Variants in INVS observed in about 807,000 individuals in gnomAD.
The protein encoded by INVS is inversion of embryo turning homolog.
In INVS, 86 loss-of-function variants were observed where a neutral mutation model predicts 108.8. The observed-to-expected ratio is 0.79, with a 90% confidence interval of 0.66 to 0.95. The LOEUF is 0.95. Ranked by LOEUF, INVS falls within the 40% of genes least tolerant of loss-of-function variation. INVS has a pLI of 0.00. For synonymous variants in INVS, 455 were observed against 473.5 expected, an observed-to-expected ratio of 0.96 and a Z score of 0.51; for missense variants, 1,169 against 1,297.4, an observed-to-expected ratio of 0.90 and a Z score of 1.52.
rs565711503 is a variant in INVS at position 100,301,985 on chromosome 9, C to G, written c.*1311C>G. ...TGCACAATGCACAACCGCCTATGACCATGTATCGTGTGCTAGTCCGGGAAG... is the reference window on the plus strand; with the variant it reads ...TGCACAATGCACAACCGCCTATGACGATGTATCGTGTGCTAGTCCGGGAAG... On this transcript the variant is annotated 3_prime_UTR_variant, in exon 17 of 17. Coordinates refer to ENST00000262457, the MANE Select transcript of INVS (RefSeq NM_014425.5). 7.3e-5 allele frequency: 32 copies of G among 438,758 alleles called. No individual in the cohort carries two copies. The highest frequency in any genetic ancestry group is 6.0e-4 in the African/African-American group (31 of 51,618). 27.2% of individuals were successfully genotyped at this position (438,758 alleles called of 1,614,324 possible).
intron 1 of INVS, among the ~76,000 whole-genome samples, chr9:100,103,188 C>A (rs1827058593): frequency 6.6e-6 from 1 of 152,120 alleles, no homozygotes; most frequent in African/African-American, 2.4e-5. Flanking sequence ...GAGTCAGGGT[C>A]TCAACCTGTT....
intron 3 of INVS, among the ~76,000 whole-genome samples, chr9:100,200,762 G>A (rs796650308): frequency 7.2e-5 from 11 of 152,262 alleles, no homozygotes; most frequent in African/African-American, 2.6e-4. Flanking sequence ...GATCAGCCAA[G>A]GATTTTAAGG....
chr9:100,228,413 T>G (rs73491451), intron 4 of INVS, among the ~76,000 whole-genome samples: 26,912 of 152,152 alleles, frequency 0.18, 3,612 homozygotes, highest in African/African-American at 0.38. Flanking sequence ...TAAAATTATA[T>G]TTAAATTAAA....
intron 2 of INVS, among the ~76,000 whole-genome samples, chr9:100,108,697 C>T (rs565892634): frequency 6.6e-6 from 1 of 152,242 alleles, no homozygotes; most frequent in Non-Finnish European, 1.5e-5. Context: ...TTTCTGTTTT[C>T]CCCTCTCTGT....
intron 10 of INVS, among the ~76,000 whole-genome samples, chr9:100,258,024 T>G (rs1832481042): frequency 6.6e-6 from 1 of 151,902 alleles, no homozygotes; most frequent in South Asian, 2.1e-4. Flanking sequence ...GTTCCATTCT[T>G]CCCGTCACTT....
chr9:100,290,466 C>T (rs1302306290), intron 13 of INVS, among the ~76,000 whole-genome samples: 1 of 152,122 alleles, frequency 6.6e-6, no homozygotes, highest in African/African-American at 2.4e-5. Flanking sequence ...TCTCCTGCCT[C>T]AGCCTCCGGA....
intron 3 of INVS, among the ~76,000 whole-genome samples, chr9:100,179,858 T>C (rs1351170385): frequency 2.0e-5 from 3 of 152,142 alleles, no homozygotes; most frequent in Non-Finnish European, 2.9e-5. Flanking sequence ...CAGTACCACA[T>C]TGCACTTATT....
At chr9:100,219,862 C>T (rs1467898255) in intron 3 of INVS, among the ~76,000 whole-genome samples, 1 of 150,148 alleles carries the variant, frequency 6.7e-6, no homozygotes, top group Non-Finnish European at 1.5e-5. Context: ...ACATGTAAAA[C>T]AATACTATGT....
intron 3 of INVS, among the ~76,000 whole-genome samples, chr9:100,158,180 G>A (rs1829063286): frequency 6.6e-6 from 1 of 152,048 alleles, no homozygotes; most frequent in Non-Finnish European, 1.5e-5. Context: ...ATATTCTCAT[G>A]TTTAGTGAAG....
intron 3 of INVS, among the ~76,000 whole-genome samples, chr9:100,212,340 A>G (rs1830856079): frequency 6.6e-6 from 1 of 152,172 alleles, no homozygotes; most frequent in Admixed American, 6.5e-5. Flanking sequence ...GTAGAGATTC[A>G]TATTTCCAAT....
At chr9:100,121,842 A>G (rs948428126) in intron 2 of INVS, among the ~76,000 whole-genome samples, 1 of 152,066 alleles carries the variant, frequency 6.6e-6, no homozygotes, top group African/African-American at 2.4e-5. Context: ...ATTCATTACT[A>G]TATATTTCCT....
intron 10 of INVS, among the ~76,000 whole-genome samples, chr9:100,261,079 T>C (rs1231756739): frequency 6.6e-6 from 1 of 152,214 alleles, no homozygotes; most frequent in African/African-American, 2.4e-5. Context: ...AATTAAATTA[T>C]TTTAACTCTT....
chr9:100,299,204 TG>T (rs1259887605), intron 16 of INVS, among the ~76,000 whole-genome samples: 1 of 152,204 alleles, frequency 6.6e-6, no homozygotes. Flanking sequence ...TATTTTTGAC[TG>T]GTTTAAAATC....
At chr9:100,159,544 C>G (rs1319018671) in intron 3 of INVS, among the ~76,000 whole-genome samples, 1 of 152,102 alleles carries the variant, frequency 6.6e-6, no homozygotes, top group Non-Finnish European at 1.5e-5. Context: ...ATAGGAATTC[C>G]ATAACCAATT....
At chr9:100,212,753 C>T (rs565137701) in intron 3 of INVS, among the ~76,000 whole-genome samples, 3 of 152,238 alleles carry the variant, frequency 2.0e-5, no homozygotes, top group African/African-American at 7.2e-5. Flanking sequence ...CCCCTTACTG[C>T]TCTGCTTGCC....
At position 100,240,089 on chromosome 9, in the gene INVS, C is replaced by G; in HGVS notation, c.645C>G (p.Asn215Lys). ...LDAAPTESLLNWQDYEGRTPL... is the reference protein window; with the variant it reads ...LDAAPTESLLKWQDYEGRTPL... The stretch of plus-strand genomic sequence containing the variant: ...CTGCTCCAACAGAGTCTTTACTGAA[C>G]TGGCAAGACTACGAGGGTCGAACTC... Residue 215 changes from asparagine (N) to lysine (K), a missense_variant, in exon 6 of 17, where the codon AAC (asparagine) becomes AAG (lysine). By Grantham distance (94) the Asn-to-Lys change is moderately conservative. This residue lies in a region of INVS where 365 missense variants were observed against 397.5 expected (regional missense o/e 0.92). Coordinates refer to ENST00000262457, the MANE Select transcript of INVS (RefSeq NM_014425.5). 1 of 1,614,142 alleles carries G rather than the reference C, an allele frequency of 6.2e-7. No homozygotes were observed. The highest frequency in any genetic ancestry group is 8.5e-7 in the Non-Finnish European group (1 of 1,179,998).
chr9:100,258,884 A>G (rs1832516673), intron 10 of INVS, among the ~76,000 whole-genome samples: 1 of 152,230 alleles, frequency 6.6e-6, no homozygotes. Context: ...TTGAGGAGGT[A>G]GTCTGTCCAT....
intron 3 of INVS, among the ~76,000 whole-genome samples, chr9:100,195,974 G>A (rs1281044042): frequency 6.6e-6 from 1 of 152,002 alleles, no homozygotes; most frequent in Non-Finnish European, 1.5e-5. Context: ...TTTCCTATCA[G>A]GATTTGCAGA....
chr9:100,288,567 C>G (rs1212678974), intron 13 of INVS, among the ~76,000 whole-genome samples: 1 of 151,756 alleles, frequency 6.6e-6, no homozygotes, highest in East Asian at 1.9e-4. Flanking sequence ...GCTGAGAGGG[C>G]CTATTATGTA....
Sources: gnomAD v4.1 joint callset for allele counts (sites outside exome capture counted in the v4.1 genomes callset) on GRCh38, gnomAD v4.1.1 for gene constraint, gnomAD v4.1.1 regional missense constraint, MANE v1.5 for transcripts, NCBI Gene and HGNC (gene_info 2026-07-23, HGNC 2026-07-21) for gene names.